Variants in ATP2C2 observed in about 807,000 individuals in gnomAD.
ATP2C2 encodes ATPase secretory pathway Ca2+ transporting 2.
Under a neutral mutation model 110.8 loss-of-function variants are expected in ATP2C2, and 171 were observed. The ratio of observed to expected loss-of-function variants is 1.54; its 90% CI spans 1.36 to 1.75. The LOEUF (loss-of-function observed/expected upper bound fraction) is 1.75. Among genes scored for constraint, ATP2C2 ranks in the 40% most tolerant of loss-of-function variants. The pLI is 0.00. For missense variants in ATP2C2, 1,963 were observed against 1,235.0 expected (o/e 1.59, Z -8.84); for synonymous variants, 804 against 508.4 (o/e 1.58, Z -7.82).
chr16:84,429,269 A>C (rs1285788944), intron 11 of ATP2C2, among the ~76,000 whole-genome samples: 1 of 152,188 alleles, frequency 6.6e-6, no homozygotes, highest in African/African-American at 2.4e-5. Flanking sequence ...CTCCTGCCTC[A>C]GCCTCCCAAG....
intron 3 of ATP2C2, chr16:84,406,696 G>T (rs1370241866): frequency 2.1e-6 from 2 of 969,910 alleles, no homozygotes; most frequent in Non-Finnish European, 2.5e-6. Flanking sequence ...AAAACTGCAG[G>T]GCTGAGAAGA....
intron 2 of ATP2C2, among the ~76,000 whole-genome samples, chr16:84,399,957 G>C (rs892137644): frequency 6.6e-6 from 1 of 152,070 alleles, no homozygotes; most frequent in Non-Finnish European, 1.5e-5. Context: ...ATCTCCATGA[G>C]TTCAGTTATT....
intron 15 of ATP2C2, among the ~76,000 whole-genome samples, chr16:84,443,703 G>C (rs545734258): frequency 1.3e-5 from 2 of 152,266 alleles, no homozygotes; most frequent in South Asian, 4.1e-4. Context: ...CTGAGCACCA[G>C]GGCTCACTTC....
chr16:84,460,473 C>T (rs1186905296), intron 23 of ATP2C2, 181 bp from the exon 24 acceptor site: 2 of 824,442 alleles, frequency 2.4e-6, no homozygotes, highest in African/African-American at 3.4e-5. Context: ...CCCATGGACC[C>T]AGGCTCTGGG....
At chr16:84,446,969 G>A (rs1391526623) in intron 16 of ATP2C2, among the ~76,000 whole-genome samples, 4 of 152,188 alleles carry the variant, frequency 2.6e-5, no homozygotes, top group African/African-American at 4.8e-5. Flanking sequence ...GTGCATCAGC[G>A]TGTGCACACG....
chr16:84,439,993 C>G lies in ATP2C2; in HGVS notation c.1209+469C>G, dbSNP rs185929502. 1.5e-3 allele frequency among the ~76,000 whole-genome samples: 221 copies of G among 152,326 alleles called. 1 individual carries two copies. Among genetic ancestry groups the G allele is most frequent in the African/African-American group, 4.4e-3 (182 of 41,578 alleles). Reference sequence around the variant, plus strand: ...GGGACTACAGGCATGCCCTAATACGCCGAGCTTATTTTTGTATTTTCTAGT... The same window carrying G: ...GGGACTACAGGCATGCCCTAATACGGCGAGCTTATTTTTGTATTTTCTAGT... On this transcript the variant is annotated intron_variant, in intron 13 of 26. Transcript: ENST00000262429.
chr16:84,428,897 C>T (rs1908017383), intron 11 of ATP2C2, among the ~76,000 whole-genome samples: 1 of 152,142 alleles, frequency 6.6e-6, no homozygotes, highest in Non-Finnish European at 1.5e-5. Flanking sequence ...CCCCCTAGAC[C>T]TGTTTGGAAC....
intron 1 of ATP2C2, among the ~76,000 whole-genome samples, chr16:84,379,674 T>C (rs1910462805): frequency 6.6e-6 from 1 of 152,234 alleles, no homozygotes; most frequent in Non-Finnish European, 1.5e-5. Flanking sequence ...ACTGCTGCTC[T>C]GGGTGATTAG....
intron 1 of ATP2C2, among the ~76,000 whole-genome samples, chr16:84,395,763 G>A (rs777426888): frequency 6.6e-6 from 1 of 152,162 alleles, no homozygotes; most frequent in Non-Finnish European, 1.5e-5. Context: ...GCTTCCCAAA[G>A]TGCTGGGATT....
At chr16:84,380,213 T>A (rs1049042175) in intron 1 of ATP2C2, among the ~76,000 whole-genome samples, 2 of 152,148 alleles carry the variant, frequency 1.3e-5, no homozygotes, top group African/African-American at 4.8e-5. Context: ...TCACCAGGCC[T>A]TCTCCTCCTT....
intron 1 of ATP2C2, among the ~76,000 whole-genome samples, chr16:84,386,637 C>T (rs1026829196): frequency 4.6e-5 from 7 of 152,304 alleles, no homozygotes; most frequent in African/African-American, 1.4e-4. Context: ...CACACAGACG[C>T]ACACAGGTAC....
Position 84,410,550 on chromosome 16 carries a change from C to G in ATP2C2, c.418-18C>G, listed in dbSNP as rs1254675563. ...ACTGAGCCTCTGGTACTGACACCCT[C>G]CTCCGTTTGCTGTCTAGGCAGTGCT... On this transcript the variant is annotated intron_variant, in intron 4 of 26. Coordinates refer to ENST00000262429, the MANE Select transcript of ATP2C2 (RefSeq NM_014861.4). The G allele has an allele frequency of 1.2e-6, 2 of 1,613,464 alleles. No homozygotes were observed. The highest frequency in any genetic ancestry group is 1.7e-6 in the Non-Finnish European group (2 of 1,179,774).
At chr16:84,452,756 C>T (rs1012489814) in intron 18 of ATP2C2, among the ~76,000 whole-genome samples, 4 of 152,118 alleles carry the variant, frequency 2.6e-5, no homozygotes, top group African/African-American at 9.7e-5. Context: ...ACCTCGGCCT[C>T]ACAAAGTGCT....
At position 84,451,853 on chromosome 16, in the gene ATP2C2, A is replaced by C. The variant is rs377420574; in HGVS notation, c.1661-68A>C. 2.3e-3 allele frequency: 3,150 copies of C among 1,346,978 alleles called. 12 individuals carry two copies. The highest frequency in any genetic ancestry group is 3.0e-3 in the Non-Finnish European group (2,933 of 971,110). The allele number at this position is 1,346,978 out of a possible 1,614,324, so 83.4% of individuals were successfully genotyped here. A position where few individuals can be genotyped will look rare whatever the true frequency, so the allele number is the denominator to read the frequency against. On this transcript the variant is annotated intron_variant, in intron 17 of 26. Transcript: ENST00000262429. ...AACTCTCTTAAAAAACAACAACAACAACCAACAACAAAAAACGACGGCCCC... is the reference window on the plus strand; with the variant it reads ...AACTCTCTTAAAAAACAACAACAACCACCAACAACAAAAAACGACGGCCCC...
rs772759199 is a variant in ATP2C2, at chr16:84,413,326, C to G, written c.516-2157C>G. On this transcript the variant is annotated intron_variant, in intron 6 of 26. Coordinates refer to ENST00000262429, the MANE Select transcript of ATP2C2 (RefSeq NM_014861.4). The stretch of plus-strand genomic sequence containing the variant: ...CGTAGTGAGATACGGTCCCGCGTCT[C>G]AAAGAGTCAGCATTCAAGGGGCGTG... Among the ~76,000 whole-genome samples the G allele has an allele frequency of 7.2e-5, 11 of 152,068 alleles. 1 individual carries two copies. The highest frequency in any genetic ancestry group is 5.2e-4 in the Admixed American group (8 of 15,268).
At chr16:84,404,659 T>C in intron 2 of ATP2C2, 1 of 327,326 alleles carries the variant, frequency 3.1e-6, no homozygotes, top group Non-Finnish European at 5.9e-6. Context: ...ACGAACATGG[T>C]TGTACAAACA....
At chr16:84,380,725 C>T (rs928517973) in intron 1 of ATP2C2, among the ~76,000 whole-genome samples, 1 of 152,202 alleles carries the variant, frequency 6.6e-6, no homozygotes, top group African/African-American at 2.4e-5. Flanking sequence ...CTTTTCCCTG[C>T]CTCTGTTTGT....
At chr16:84,413,369 G>A (rs776360928) in intron 6 of ATP2C2, among the ~76,000 whole-genome samples, 4 of 152,200 alleles carry the variant, frequency 2.6e-5, no homozygotes, top group East Asian at 1.9e-4. Flanking sequence ...AATACAAGGC[G>A]GAGAATGACG....
intron 1 of ATP2C2, among the ~76,000 whole-genome samples, chr16:84,372,036 T>G (rs1322888435): frequency 6.6e-6 from 1 of 152,078 alleles, no homozygotes; most frequent in African/African-American, 2.4e-5. Context: ...GTGAGCTGGA[T>G]GAAGGGCAGG....
Sources: gnomAD v4.1 joint callset for allele counts (sites outside exome capture counted in the v4.1 genomes callset) on GRCh38, gnomAD v4.1.1 for gene constraint, MANE v1.5 for transcripts, NCBI Gene and HGNC (gene_info 2026-07-23, HGNC 2026-07-21) for gene names.